Variants in BMP5 observed in about 807,000 individuals in gnomAD.
BMP5 encodes the protein bone morphogenetic protein 5.
In BMP5, 23 loss-of-function variants were observed where a neutral mutation model predicts 46.6. The ratio of observed to expected loss-of-function variants is 0.49; its 90% confidence interval spans 0.35 to 0.70. The LOEUF (loss-of-function observed/expected upper bound fraction) is 0.70. Among genes scored for constraint, BMP5 ranks in the 30% least tolerant of loss-of-function variants. The probability of loss-of-function intolerance (pLI) is 0.00; values close to 1 mark genes in which losing one functional copy is unlikely to be tolerated. For synonymous variants in BMP5, 204 were observed against 191.9 expected (o/e 1.06, Z -0.52); for missense variants, 545 against 565.6 (o/e 0.96, Z 0.37).
At position 55,875,047 on chromosome 6, in the gene BMP5, T is replaced by G; in HGVS notation, c.-182A>C. On this transcript the variant is annotated 5_prime_UTR_variant, in exon 1 of 7. Coordinates refer to ENST00000370830, the MANE Select transcript of BMP5 (RefSeq NM_021073.4). Reference sequence around the variant, plus strand: ...CGATTTTCCTGTCCTATTTTAAATATTTTGGAATATGTCAAGAGTAGTTAT... The same window carrying G: ...CGATTTTCCTGTCCTATTTTAAATAGTTTGGAATATGTCAAGAGTAGTTAT... 2 of 658,766 alleles carry G rather than the reference T, an allele frequency of 3.0e-6. No individual in the cohort carries two copies. Among genetic ancestry groups the G allele is most frequent in the Non-Finnish European group, 5.1e-6 (2 of 395,776 alleles). The allele number at this position is 658,766 out of a possible 1,614,324, so 40.8% of individuals were successfully genotyped here.
intron 1 of BMP5, among the ~76,000 whole-genome samples, chr6:55,867,217 G>A (rs1203213033): frequency 3.9e-5 from 6 of 151,968 alleles, no homozygotes; most frequent in South Asian, 2.1e-4. Context: ...TATCCCCCCC[G>A]CTGAGTATCT....
At chr6:55,804,209 T>A (rs911606667) in intron 2 of BMP5, among the ~76,000 whole-genome samples, 3 of 152,142 alleles carry the variant, frequency 2.0e-5, no homozygotes, top group Admixed American at 6.5e-5. Flanking sequence ...CAAGTTAAGA[T>A]GAGGTAAGCC....
intron 2 of BMP5, among the ~76,000 whole-genome samples, chr6:55,809,212 A>T (rs1674140565): frequency 6.6e-6 from 1 of 152,220 alleles, no homozygotes; most frequent in African/African-American, 2.4e-5. Flanking sequence ...ACAAATAAAA[A>T]TGATATACAA....
At chr6:55,871,208 G>A (rs1419417587) in intron 1 of BMP5, among the ~76,000 whole-genome samples, 1 of 151,732 alleles carries the variant, frequency 6.6e-6, no homozygotes, top group Admixed American at 6.6e-5. Flanking sequence ...TTTTGACAAA[G>A]AGATGGTTAA....
intron 2 of BMP5, among the ~76,000 whole-genome samples, chr6:55,817,494 G>A (rs540649991): frequency 3.3e-5 from 5 of 151,910 alleles, no homozygotes; most frequent in African/African-American, 4.8e-5. Flanking sequence ...GCAAACTATC[G>A]CAAGGACAAA....
At chr6:55,856,049 C>T (rs1374206430) in intron 1 of BMP5, among the ~76,000 whole-genome samples, 1 of 151,218 alleles carries the variant, frequency 6.6e-6, no homozygotes. Context: ...GTCAGTCTTT[C>T]ACCCCACCTT....
chr6:55,870,224 A>G (rs1432495922), intron 1 of BMP5, among the ~76,000 whole-genome samples: 2 of 151,980 alleles, frequency 1.3e-5, no homozygotes, highest in Non-Finnish European at 2.9e-5. Flanking sequence ...AAAGCATTTA[A>G]TTAAACTATG....
rs539879489 is a variant in BMP5 at position 55,753,851 on chromosome 6, G to A, written c.*1682C>T. 3.9e-5 allele frequency: 6 copies of A among 151,934 alleles called. No individual in the cohort carries two copies. The South Asian group carries it at 6.2e-4, about 16-fold the overall frequency. The allele number at this position is 151,934 out of a possible 1,614,324, so 9.4% of individuals were successfully genotyped here. On this transcript the variant is annotated 3_prime_UTR_variant, in exon 7 of 7. Transcript: ENST00000370830. ...ACCAAATCAAGAACAGCAGAAATTA[G>A]CATCTGTTTAATATATTTTAAAATA...
intron 1 of BMP5, among the ~76,000 whole-genome samples, chr6:55,850,089 C>A (rs1280034671): frequency 6.6e-6 from 1 of 152,080 alleles, no homozygotes; most frequent in African/African-American, 2.4e-5. Context: ...AATACATCAC[C>A]TTTCCTTGAA....
intron 3 of BMP5, among the ~76,000 whole-genome samples, chr6:55,787,041 A>T (rs777847169): frequency 2.6e-5 from 4 of 151,664 alleles, no homozygotes; most frequent in Admixed American, 2.6e-4. Flanking sequence ...GCAGGAGAAA[A>T]AGAAAAATAT....
At chr6:55,770,412 T>G (rs1028041843) in intron 4 of BMP5, among the ~76,000 whole-genome samples, 2 of 151,958 alleles carry the variant, frequency 1.3e-5, no homozygotes, top group African/African-American at 4.8e-5. Flanking sequence ...TCTCTCAGCC[T>G]TCATAGAATT....
rs1404136875 is a variant in BMP5, at chr6:55,780,494, G to GAAAGAAAA, written c.833-6252_833-6251insTTTTCTTT. Among the ~76,000 whole-genome samples the GAAAGAAAA allele has an allele frequency of 3.2e-3, 438 of 135,594 alleles. 1 individual carries two copies. The highest frequency in any genetic ancestry group is 5.5e-3 in the Non-Finnish European group (346 of 62,694). The allele number at this position is 135,594 out of a possible 152,430, so 89.0% of individuals were successfully genotyped here. A position where few individuals can be genotyped will look rare whatever the true frequency, so the allele number is the denominator to read the frequency against. Reference sequence around the variant, plus strand: ...AAAAAGAAAGAAAGAAAGAAAGAAAGAAAGAAACGTGGTTACAACTCCTGG... The same window carrying GAAAGAAAA: ...AAAAAGAAAGAAAGAAAGAAAGAAAGAAAGAAAAAAAGAAACGTGGTTACAACTCCTGG... On this transcript the variant is annotated intron_variant, in intron 3 of 6. Transcript: ENST00000370830.
At position 55,819,799 on chromosome 6, in the gene BMP5, A is replaced by G. The variant is rs1562054061; in HGVS notation, c.539T>C (p.Phe180Ser). 1 of 1,613,868 alleles carries G rather than the reference A, an allele frequency of 6.2e-7. No homozygotes were observed. Among genetic ancestry groups the G allele is most frequent in the Non-Finnish European group, 8.5e-7 (1 of 1,179,926 alleles). ...FSHQRRHYKE[F>S]RFDLTQIPHG... ...AGGAATTTGGGTAAGATCAAATCGA[A>G]ATTCTTTGTAATGCCTTCGCTGGTG... Residue 180 changes from phenylalanine (F) to serine (S), a missense_variant, in exon 2 of 7, where the codon TTT becomes TCT. Phe to Ser is a radical substitution (Grantham distance 155). Transcript: ENST00000370830.
intron 3 of BMP5, among the ~76,000 whole-genome samples, chr6:55,785,207 C>A (rs1263640705): frequency 6.6e-6 from 1 of 151,604 alleles, no homozygotes; most frequent in African/African-American, 2.4e-5. Flanking sequence ...TTGATATTGG[C>A]AAAAGGTATT....
intron 3 of BMP5, among the ~76,000 whole-genome samples, chr6:55,793,602 T>G (rs1775626552): frequency 6.6e-6 from 1 of 152,214 alleles, no homozygotes; most frequent in Non-Finnish European, 1.5e-5. Flanking sequence ...AGGTGCCCAG[T>G]AAATACTTGT....
chr6:55,805,938 G>T (rs937650333), intron 2 of BMP5, among the ~76,000 whole-genome samples: 1 of 151,832 alleles, frequency 6.6e-6, no homozygotes, highest in Non-Finnish European at 1.5e-5. Context: ...TTGTAAACTT[G>T]TTTAAGTTCC....
intron 4 of BMP5, among the ~76,000 whole-genome samples, chr6:55,764,651 A>G (rs1350580586): frequency 2.0e-5 from 3 of 151,968 alleles, no homozygotes; most frequent in Non-Finnish European, 4.4e-5. Context: ...AACAACTGGA[A>G]GATGTCAAGT....
intron 3 of BMP5, among the ~76,000 whole-genome samples, chr6:55,786,110 C>T (rs912658580): frequency 2.0e-5 from 3 of 151,716 alleles, no homozygotes; most frequent in Non-Finnish European, 4.4e-5. Context: ...TTTCTCGCTT[C>T]TCTTTACCAG....
intron 2 of BMP5, among the ~76,000 whole-genome samples, chr6:55,808,335 A>C (rs1017939640): frequency 1.3e-5 from 2 of 152,184 alleles, no homozygotes; most frequent in South Asian, 4.1e-4. Flanking sequence ...CCCTGGGTCC[A>C]GCTAAGGAAA....
Sources: gnomAD v4.1 joint callset for allele counts (sites outside exome capture counted in the v4.1 genomes callset) on GRCh38, gnomAD v4.1.1 for gene constraint, MANE v1.5 for transcripts, NCBI Gene and HGNC (gene_info 2026-07-23, HGNC 2026-07-21) for gene names.